Variants in COL5A2 observed in about 807,000 individuals in gnomAD.
COL5A2 encodes collagen alpha-2(V) chain.
A neutral mutation model predicts 208.2 loss-of-function variants in COL5A2; 23 were observed. That is an observed-to-expected ratio of 0.11 (90% CI 0.08 to 0.16). The LOEUF is 0.16. COL5A2 is among the 10% of genes least tolerant of loss of function. The pLI is 1.00. For missense variants in COL5A2, 1,590 were observed against 1,956.4 expected (o/e 0.81, Z 3.53); for synonymous variants, 625 against 628.5 (o/e 0.99, Z 0.08).
chr2:189,133,360 C>T (rs2105758254), intron 1 of COL5A2, among the ~76,000 whole-genome samples: 1 of 151,932 alleles, frequency 6.6e-6, no homozygotes, highest in South Asian at 2.1e-4. Context: ...ACTGCGTAAT[C>T]CACCCACCGC....
the COL5A2 span, among the ~76,000 whole-genome samples, chr2:189,389,597 TAAAGCAATTTGGTCTTTCAA>T: frequency 6.6e-6 from 1 of 152,182 alleles, no homozygotes; most frequent in African/African-American, 2.4e-5. Context: ...TAGATTGGAA[TAAAGCAATTTGGTCTTTCAA>T]CCATATGTAT....
chr2:189,094,983 G>T (rs1434101473), intron 6 of COL5A2: 1 of 151,978 alleles, frequency 6.6e-6, no homozygotes, highest in African/African-American at 2.4e-5. Flanking sequence ...CAATTGTATG[G>T]GGGATGGCAG....
chr2:189,396,593 G>GA, the COL5A2 span, among the ~76,000 whole-genome samples: 1 of 150,948 alleles, frequency 6.6e-6, no homozygotes, highest in Admixed American at 6.6e-5. Context: ...AGAATGGCGT[G>GA]AACCCGGGAG....
At position 189,057,038 on chromosome 2, in the gene COL5A2, C is replaced by T. The variant is rs1373443304; in HGVS notation, c.2338-12G>A. 4.3e-6 allele frequency: 7 copies of T among 1,612,604 alleles called. No individual in the cohort carries two copies. Among genetic ancestry groups the T allele is most frequent in the Non-Finnish European group, 5.1e-6 (6 of 1,178,662 alleles). On this transcript the variant is annotated splice_polypyrimidine_tract_variant and intron_variant, in intron 34 of 53. Transcript: ENST00000374866. The stretch of plus-strand genomic sequence containing the variant: ...TCTCCTATGCCACCCTGGGAAAACA[C>T]ACAAAATACAATTGATTCATTTAAT...
the COL5A2 span, among the ~76,000 whole-genome samples, chr2:189,367,746 G>T: frequency 6.6e-6 from 1 of 152,158 alleles, no homozygotes; most frequent in Admixed American, 6.5e-5. Flanking sequence ...AAGTCCTTCA[G>T]ATGTGTGTAA....
chr2:189,274,492 G>C, the COL5A2 span, among the ~76,000 whole-genome samples: 1 of 152,006 alleles, frequency 6.6e-6, no homozygotes, highest in Admixed American at 6.6e-5. Context: ...CCTCCTCACA[G>C]CCTGAATTGT....
the COL5A2 span, among the ~76,000 whole-genome samples, chr2:189,232,252 G>A: frequency 6.7e-4 from 102 of 151,818 alleles, 1 homozygote; most frequent in Admixed American, 1.8e-3. Flanking sequence ...TTAAAATTAT[G>A]AGGTTCTAAT....
the COL5A2 span, among the ~76,000 whole-genome samples, chr2:189,285,071 G>GGTGTGTGTGTGTGTGT: frequency 0.016 from 2,175 of 139,748 alleles, 37 homozygotes; most frequent in East Asian, 0.059. Flanking sequence ...GCATGCACAT[G>GGTGTGTGTGTGTGTGT]GTGTGTGTGT....
chr2:189,316,481 C>A, the COL5A2 span, among the ~76,000 whole-genome samples: 1 of 151,828 alleles, frequency 6.6e-6, no homozygotes, highest in Non-Finnish European at 1.5e-5. Flanking sequence ...TGTAACAAAT[C>A]TGCATGTCCT....
the COL5A2 span, among the ~76,000 whole-genome samples, chr2:189,245,066 C>A: frequency 1.3e-5 from 2 of 152,130 alleles, no homozygotes; most frequent in Non-Finnish European, 2.9e-5. Context: ...GGAAGACCCA[C>A]CCCCATGATT....
At chr2:189,433,440 C>T in the COL5A2 span, among the ~76,000 whole-genome samples, 232 of 151,756 alleles carry the variant, frequency 1.5e-3, no homozygotes, top group African/African-American at 5.3e-3. Context: ...ACTAACAAGA[C>T]TAATAAAGAA....
At chr2:189,310,506 C>G in the COL5A2 span, among the ~76,000 whole-genome samples, 3 of 152,176 alleles carry the variant, frequency 2.0e-5, no homozygotes, top group African/African-American at 7.2e-5. Flanking sequence ...CTATGGGGAA[C>G]AGTTTGGAAG....
chr2:189,351,890 T>C, the COL5A2 span, among the ~76,000 whole-genome samples: 1 of 152,244 alleles, frequency 6.6e-6, no homozygotes, highest in Admixed American at 6.5e-5. Context: ...ACACGTGCCA[T>C]GGTGGTTTGC....
intron 1 of COL5A2, among the ~76,000 whole-genome samples, chr2:189,185,671 T>C (rs1384232725): frequency 6.6e-6 from 1 of 152,126 alleles, no homozygotes; most frequent in Non-Finnish European, 1.5e-5. Flanking sequence ...AGACCTCTAT[T>C]AACATCATAC....
At chr2:189,260,552 A>G in the COL5A2 span, among the ~76,000 whole-genome samples, 1 of 152,268 alleles carries the variant, frequency 6.6e-6, no homozygotes, top group East Asian at 1.9e-4. Flanking sequence ...TGATGTGTTC[A>G]ATGAGGTGAT....
chr2:189,039,476 C>T lies in COL5A2; in HGVS notation c.3721G>A (p.Asp1241Asn), dbSNP rs1576486531. Reference sequence around the variant, plus strand: ...GGAAGTGGATCTGGCATGCTTTCATCATAGTGCCCCATGATATCCCCAAGA... The same window carrying T: ...GGAAGTGGATCTGGCATGCTTTCATTATAGTGCCCCATGATATCCCCAAGA... ...AALGDIMGHY[D>N]ESMPDPLPEF... The change falls in exon 51 of 54, where the codon GAT becomes AAT. Residue 1241 changes from aspartate to asparagine, a missense_variant. Coordinates refer to ENST00000374866, the MANE Select transcript of COL5A2 (RefSeq NM_000393.5). The T allele has an allele frequency of 1.2e-6, 2 of 1,614,086 alleles. No individual in the cohort carries two copies. Among genetic ancestry groups the T allele is most frequent in the Non-Finnish European group, 8.5e-7 (1 of 1,180,026 alleles).
chr2:189,163,947 C>G (rs891306284), intron 1 of COL5A2, among the ~76,000 whole-genome samples: 1 of 152,158 alleles, frequency 6.6e-6, no homozygotes, highest in Non-Finnish European at 1.5e-5. Context: ...AGAAGCTTTT[C>G]TTTCAAATTA....
At chr2:189,169,715 A>G (rs192974367) in intron 1 of COL5A2, among the ~76,000 whole-genome samples, 19 of 152,298 alleles carry the variant, frequency 1.2e-4, no homozygotes, top group African/African-American at 4.3e-4. Flanking sequence ...TTATTATTAA[A>G]TAATAATTTT....
At chr2:189,178,313 T>C (rs537239979) in intron 1 of COL5A2, among the ~76,000 whole-genome samples, 224 of 152,262 alleles carry the variant, frequency 1.5e-3, no homozygotes, top group African/African-American at 4.9e-3. Context: ...TCTAGATTAA[T>C]TTTATAAACT....
Sources: allele counts gnomAD v4.1 joint callset (sites outside exome capture counted in the v4.1 genomes callset), GRCh38; gene constraint gnomAD v4.1.1; transcripts MANE v1.5; gene names NCBI Gene and HGNC (gene_info 2026-07-23, HGNC 2026-07-21).